The following TCEA1 variants were observed in gnomAD, a reference collection of about 807,000 sequenced individuals.
TCEA1 encodes transcription elongation factor A1.
A neutral mutation model predicts 43.8 loss-of-function variants in TCEA1; 21 were observed. That is an observed-to-expected ratio of 0.48 (90% CI 0.34 to 0.69). The LOEUF (loss-of-function observed/expected upper bound fraction) is 0.69, where lower values mean the gene tolerates loss of function less well. TCEA1 is among the 30% of genes least tolerant of loss of function. The pLI is 0.01. For missense variants in TCEA1, 250 were observed against 365.1 expected, an observed-to-expected ratio of 0.68 and a Z score of 2.57; for synonymous variants, 104 against 117.5, an observed-to-expected ratio of 0.88 and a Z score of 0.75.
At chr8:53,975,968 A>C (rs1803320158) in intron 8 of TCEA1, among the ~76,000 whole-genome samples, 1 of 152,206 alleles carries the variant, frequency 6.6e-6, no homozygotes, top group Non-Finnish European at 1.5e-5. Context: ...GATTTTTAAA[A>C]ACTTAATCTA....
In TCEA1 at chr8:53,970,276, T is replaced by C. The variant is rs1380320709; in HGVS notation, c.897+116A>G. 3.5e-5 allele frequency: 27 copies of C among 775,930 alleles called. No homozygotes were observed. The Admixed American group carries it at 4.6e-4, about 13-fold the overall frequency. 48.1% of individuals were successfully genotyped at this position (775,930 alleles called of 1,614,324 possible). A position where few individuals can be genotyped will look rare whatever the true frequency, so the allele number is the denominator to read the frequency against. On this transcript the variant is annotated intron_variant, in intron 9 of 9. Transcript: ENST00000521604. Reference sequence around the variant, plus strand: ...AAGTAGTCAGGGAGTACAAGAGTACTGTATAGTGTGAGCATATCTGTATAT... The same window carrying C: ...AAGTAGTCAGGGAGTACAAGAGTACCGTATAGTGTGAGCATATCTGTATAT...
chr8:53,999,097 G>A (rs775872661), intron 3 of TCEA1, among the ~76,000 whole-genome samples: 3 of 151,534 alleles, frequency 2.0e-5, no homozygotes, highest in East Asian at 1.9e-4. Context: ...GCGTGGTGGC[G>A]GCCACCTGTA....
At chr8:53,969,293 A>T (rs1328929204) in intron 9 of TCEA1, among the ~76,000 whole-genome samples, 5 of 152,194 alleles carry the variant, frequency 3.3e-5, no homozygotes, top group Non-Finnish European at 7.3e-5. Flanking sequence ...CTATCTCAAA[A>T]AAATTAATGA....
intron 3 of TCEA1, among the ~76,000 whole-genome samples, chr8:53,995,077 G>T (rs560165873): frequency 6.6e-6 from 1 of 152,040 alleles, no homozygotes; most frequent in African/African-American, 2.4e-5. Flanking sequence ...GAGGCAGGTG[G>T]ATCACTTGAG....
chr8:54,022,252 G>A lies in TCEA1; in HGVS notation c.-127C>T, dbSNP rs1050030219. The A allele has an allele frequency of 4.3e-5, 51 of 1,187,942 alleles. No individual in the cohort carries two copies. The highest frequency in any genetic ancestry group is 1.6e-4 in the African/African-American group (10 of 62,708). The allele number at this position is 1,187,942 out of a possible 1,614,324, so 73.6% of individuals were successfully genotyped here. A position where few individuals can be genotyped will look rare whatever the true frequency, so the allele number is the denominator to read the frequency against. On this transcript the variant is annotated 5_prime_UTR_variant, in exon 1 of 10. Transcript: ENST00000521604. The stretch of plus-strand genomic sequence containing the variant: ...CCCACCACCGCAGGCCCGGGCCTAG[G>A]CCCCCTTCCTTACGAACGAAGCCCG...
intron 5 of TCEA1, among the ~76,000 whole-genome samples, chr8:53,987,903 T>C (rs1209467565): frequency 6.6e-6 from 1 of 152,220 alleles, no homozygotes; most frequent in Non-Finnish European, 1.5e-5. Flanking sequence ...AATCTATTTC[T>C]TACAATTACA....
intron 1 of TCEA1, among the ~76,000 whole-genome samples, chr8:54,016,005 T>C (rs1804811853): frequency 6.6e-6 from 1 of 152,192 alleles, no homozygotes; most frequent in South Asian, 2.1e-4. Flanking sequence ...CTAGGAAGGC[T>C]ATAATCAAGA....
intron 1 of TCEA1, among the ~76,000 whole-genome samples, chr8:54,010,833 CAG>C (rs1246880717): frequency 1.3e-5 from 2 of 150,796 alleles, no homozygotes; most frequent in Non-Finnish European, 2.9e-5. Flanking sequence ...TTTTTTAAGA[CAG>C]AGTCTCACTC....
chr8:53,976,133 A>C (rs1221833858), intron 8 of TCEA1, among the ~76,000 whole-genome samples: 2 of 152,172 alleles, frequency 1.3e-5, no homozygotes, highest in Non-Finnish European at 2.9e-5. Context: ...AAATACTAAT[A>C]ATGTTGCAGT....
rs1222407921 is a variant in TCEA1, at chr8:53,968,154, C to T, written c.898-42G>A. 2.1e-6 allele frequency: 3 copies of T among 1,463,404 alleles called. No homozygotes were observed. The South Asian group carries it at 3.9e-5, about 19-fold the overall frequency. The allele number at this position is 1,463,404 out of a possible 1,614,324, so 90.7% of individuals were successfully genotyped here. On this transcript the variant is annotated intron_variant, in intron 9 of 9. Transcript: ENST00000521604. The stretch of plus-strand genomic sequence containing the variant: ...AATATTTTGTAAGACCTTTAAATAC[C>T]AATAAGGTACATTCCCCATTTAATA...
intron 2 of TCEA1, among the ~76,000 whole-genome samples, chr8:54,005,419 C>G (rs1297305214): frequency 6.6e-6 from 1 of 152,174 alleles, no homozygotes; most frequent in Non-Finnish European, 1.5e-5. Context: ...ACTCAACTAC[C>G]TACCAGATAC....
rs368515547 is a variant in TCEA1 at position 53,979,090 on chromosome 8, C to T, written c.760G>A (p.Gly254Ser). Reference protein sequence around the residue: ...AIREHQMAKTGGTQTDLFTCG... With the variant: ...AIREHQMAKTSGTQTDLFTCG... ...GTGAACAAGTCAGTCTGGGTCCCACCAGTCTTGGCCATCTGATGCTCTCTG... is the reference window on the plus strand; with the variant it reads ...GTGAACAAGTCAGTCTGGGTCCCACTAGTCTTGGCCATCTGATGCTCTCTG... The change falls in exon 8 of 10, where the codon GGT (glycine) becomes AGT (serine). Residue 254 changes from glycine (G) to serine (S), a missense_variant. Gly to Ser is a moderately conservative substitution (Grantham distance 56). Coordinates refer to ENST00000521604, the MANE Select transcript of TCEA1 (RefSeq NM_006756.4). 67 of 1,613,594 alleles carry T rather than the reference C, an allele frequency of 4.2e-5. No individual in the cohort carries two copies. Among genetic ancestry groups the T allele is most frequent in the Non-Finnish European group, 4.9e-5 (58 of 1,179,780 alleles).
At chr8:53,993,393 A>C (rs569518137) in intron 4 of TCEA1, 1 of 247,856 alleles carries the variant, frequency 4.0e-6, no homozygotes, top group African/African-American at 2.2e-5. Context: ...CTCCATTATC[A>C]ATTCCATCAG....
chr8:53,987,407 A>G (rs1009761876), intron 5 of TCEA1, among the ~76,000 whole-genome samples: 1 of 152,228 alleles, frequency 6.6e-6, no homozygotes, highest in African/African-American at 2.4e-5. Flanking sequence ...TAATCTGCCA[A>G]TCACATATAC....
chr8:53,993,464 T>C, intron 4 of TCEA1: 2 of 434,584 alleles, frequency 4.6e-6, no homozygotes, highest in Non-Finnish European at 4.0e-6. Flanking sequence ...TAACTTCTTA[T>C]TTATTCAATG....
intron 8 of TCEA1, among the ~76,000 whole-genome samples, chr8:53,977,541 T>G (rs937569796): frequency 5.9e-5 from 9 of 152,116 alleles, no homozygotes; most frequent in Non-Finnish European, 1.0e-4. Context: ...CCCTTTAGAG[T>G]TTAGTGATGC....
At chr8:53,971,145 G>GT (rs887242111) in intron 8 of TCEA1, 3 of 152,202 alleles carry the variant, frequency 2.0e-5, no homozygotes, top group Non-Finnish European at 2.9e-5. Context: ...AGGTTTTTGG[G>GT]TTTTTTTAAA....
chr8:53,973,054 T>G (rs544520707), intron 8 of TCEA1: 1 of 672,988 alleles, frequency 1.5e-6, no homozygotes, highest in African/African-American at 1.8e-5. Context: ...GAAGAGCTTT[T>G]GGACATGGAT....
At position 54,015,209 on chromosome 8, in the gene TCEA1, G is replaced by A. The variant is rs140666813; in HGVS notation, c.64-4717C>T. 5.4e-4 allele frequency among the ~76,000 whole-genome samples: 81 copies of A among 150,598 alleles called. 1 individual carries two copies. The East Asian group carries it at 9.8e-3, about 18-fold the overall frequency. ...TTTTTTGAGACAGTCTCACTGTGTC[G>A]CCCAGGCTGGAGTGCAGTGGCGTGA... On this transcript the variant is annotated intron_variant, in intron 1 of 9. Coordinates refer to ENST00000521604, the MANE Select transcript of TCEA1 (RefSeq NM_006756.4).
Sources: allele counts gnomAD v4.1 joint callset (sites outside exome capture counted in the v4.1 genomes callset), GRCh38; gene constraint gnomAD v4.1.1; transcripts MANE v1.5; gene names NCBI Gene and HGNC (gene_info 2026-07-23, HGNC 2026-07-21).